The following METTL15 variants were observed in gnomAD, a reference collection of about 807,000 sequenced individuals.
The protein encoded by METTL15 is 12S rRNA N(4)-cytidine methyltransferase METTL15.
A neutral mutation model predicts 38.3 loss-of-function variants in METTL15; 34 were observed. The ratio of observed to expected loss-of-function variants is 0.89; its 90% CI spans 0.68 to 1.18. The LOEUF (loss-of-function observed/expected upper bound fraction) is 1.18. Ranked by LOEUF, METTL15 falls within the 50% of genes most tolerant of loss-of-function variation. The pLI, the probability that METTL15 is intolerant of heterozygous loss-of-function variation, is 0.00. For synonymous variants in METTL15, 162 were observed against 170.9 expected, an observed-to-expected ratio of 0.95 and a Z score of 0.41; for missense variants, 438 against 498.4, an observed-to-expected ratio of 0.88 and a Z score of 1.15.
chr11:28,346,303 T>C lies in METTL15; in HGVS notation c.*190-5787T>C, dbSNP rs993822472. 2.6e-5 allele frequency among the ~76,000 whole-genome samples: 4 copies of C among 152,260 alleles called. No homozygotes were observed. The East Asian group carries it at 7.7e-4, about 29-fold the overall frequency. On this transcript the variant is annotated intron_variant and NMD_transcript_variant, in intron 3 of 7. Coordinates refer to the METTL15 transcript ENST00000532947. Reference sequence around the variant, plus strand: ...TACACTGGGCATCTTGAATCTTTCTTGGAGTTAAAAATGTTCCCAGTGCTA... The same window carrying C: ...TACACTGGGCATCTTGAATCTTTCTCGGAGTTAAAAATGTTCCCAGTGCTA...
At chr11:28,236,544 A>T (rs903154780) in intron 4 of METTL15, among the ~76,000 whole-genome samples, 1 of 152,132 alleles carries the variant, frequency 6.6e-6, no homozygotes, top group Admixed American at 6.5e-5. Flanking sequence ...GGGAGAGTGT[A>T]TGTGTCGAGG....
chr11:28,502,026 A>G (rs944970833), intron 6 of METTL15, among the ~76,000 whole-genome samples: 2 of 150,698 alleles, frequency 1.3e-5, no homozygotes, highest in Non-Finnish European at 3.0e-5. Flanking sequence ...GCGTGAATCC[A>G]GGAGGCGGAG....
At chr11:28,377,135 T>G (rs1438153849) in intron 5 of METTL15, among the ~76,000 whole-genome samples, 5 of 144,846 alleles carry the variant, frequency 3.5e-5, no homozygotes, top group Non-Finnish European at 6.1e-5. Context: ...ACAATTATGT[T>G]TCTTGGAGTT....
chr11:28,142,953 C>T (rs1002790499), intron 3 of METTL15, among the ~76,000 whole-genome samples: 1 of 151,914 alleles, frequency 6.6e-6, no homozygotes, highest in African/African-American at 2.4e-5. Flanking sequence ...AGAGTGGTAA[C>T]AGTTTAAATG....
intron 3 of METTL15, chr11:28,123,841 T>C: frequency 7.1e-7 from 1 of 1,408,978 alleles, no homozygotes; most frequent in South Asian, 1.4e-5. Flanking sequence ...TTTTGTTACA[T>C]GTATTTTTCT....
rs1418749366 is a variant in METTL15, at chr11:28,330,754, C to T, written c.1137C>T (p.His379=). The T allele has an allele frequency of 1.9e-6, 3 of 1,551,706 alleles. No individual in the cohort carries two copies. The highest frequency in any genetic ancestry group is 2.6e-6 in the Non-Finnish European group (3 of 1,146,854). ...RRAPLMWELI[H]KKVLSPQDQD... ...CTCCTTTAATGTGGGAATTGATACACAAGAAGGTACTTAGTCCACAAGATC... is the reference window on the plus strand; with the variant it reads ...CTCCTTTAATGTGGGAATTGATACATAAGAAGGTACTTAGTCCACAAGATC... Residue 379 remains histidine, a synonymous_variant, in exon 7 of 7, where the codon CAC becomes CAT. Transcript: ENST00000407364.
intron 4 of METTL15, among the ~76,000 whole-genome samples, chr11:28,257,637 A>C (rs986073990): frequency 6.6e-6 from 1 of 151,800 alleles, no homozygotes; most frequent in African/African-American, 2.4e-5. Flanking sequence ...CAAGCTCACT[A>C]ATTCTTTCTT....
chr11:28,253,452 AAATC>A (rs1200704764), intron 4 of METTL15, among the ~76,000 whole-genome samples: 2 of 152,162 alleles, frequency 1.3e-5, no homozygotes, highest in African/African-American at 4.8e-5. Context: ...CTTTGAGTGA[AAATC>A]AATCTAATTG....
chr11:28,421,958 A>C (rs1013370571), intron 5 of METTL15, among the ~76,000 whole-genome samples: 3 of 152,172 alleles, frequency 2.0e-5, no homozygotes, highest in Admixed American at 2.0e-4. Context: ...CCAACCAAAA[A>C]ACTACTATTA....
At chr11:28,260,804 T>A (rs1192507883) in intron 4 of METTL15, among the ~76,000 whole-genome samples, 2 of 152,196 alleles carry the variant, frequency 1.3e-5, no homozygotes, top group African/African-American at 4.8e-5. Flanking sequence ...GATGTTGTGC[T>A]GGCAGGCTCA....
chr11:28,429,233 G>T (rs1423415349), intron 6 of METTL15, among the ~76,000 whole-genome samples: 2 of 152,184 alleles, frequency 1.3e-5, no homozygotes, highest in Non-Finnish European at 2.9e-5. Flanking sequence ...AAACTGCAAT[G>T]TCTTGGGGGA....
intron 6 of METTL15, among the ~76,000 whole-genome samples, chr11:28,492,606 G>A (rs1412038231): frequency 2.0e-5 from 3 of 151,744 alleles, no homozygotes; most frequent in South Asian, 2.1e-4. Flanking sequence ...TTCGTGATTC[G>A]CCTGCATGTT....
intron 6 of METTL15, among the ~76,000 whole-genome samples, chr11:28,439,662 C>T (rs1212928063): frequency 6.6e-6 from 1 of 152,126 alleles, no homozygotes; most frequent in Non-Finnish European, 1.5e-5. Flanking sequence ...CATCACATAG[C>T]CTTGAGTCAC....
At chr11:28,371,069 T>C (rs1196790035) in intron 5 of METTL15, among the ~76,000 whole-genome samples, 1 of 152,108 alleles carries the variant, frequency 6.6e-6, no homozygotes. Flanking sequence ...TAATCCTATT[T>C]ATTTTTGATT....
At chr11:28,353,237 A>G (rs1590342470) in intron 4 of METTL15, among the ~76,000 whole-genome samples, 2 of 152,198 alleles carry the variant, frequency 1.3e-5, no homozygotes, top group Admixed American at 1.3e-4. Flanking sequence ...AAAAGGCTCA[A>G]AAAGTTGACC....
chr11:28,306,926 T>C (rs1019810549), intron 6 of METTL15, among the ~76,000 whole-genome samples: 2 of 151,998 alleles, frequency 1.3e-5, no homozygotes, highest in Non-Finnish European at 2.9e-5. Flanking sequence ...TGAAAAATTA[T>C]GGAATATCTA....
At position 28,492,081 on chromosome 11, in the gene METTL15, A is replaced by G. The variant is rs954696156; in HGVS notation, c.*425-34397A>G. Among the ~76,000 whole-genome samples the G allele has an allele frequency of 5.9e-5, 9 of 152,294 alleles. No individual in the cohort carries two copies. The South Asian group carries it at 1.9e-3, about 32-fold the overall frequency. ...AATTGAATGGAATGATGATGGCAAC[A>G]AATATGTCTGAGCACAAAAGTATGG... On this transcript the variant is annotated intron_variant and NMD_transcript_variant, in intron 6 of 7. Coordinates refer to the METTL15 transcript ENST00000532947.
At chr11:28,474,268 T>G (rs1248963891) in intron 6 of METTL15, among the ~76,000 whole-genome samples, 1 of 151,922 alleles carries the variant, frequency 6.6e-6, no homozygotes, top group African/African-American at 2.4e-5. Context: ...TATCCATTTT[T>G]CTCATGCTGG....
At chr11:28,338,555 CAT>C (rs1454742825) in intron 3 of METTL15, among the ~76,000 whole-genome samples, 2 of 152,030 alleles carry the variant, frequency 1.3e-5, no homozygotes, top group African/African-American at 4.8e-5. Context: ...TATGGTGACT[CAT>C]GTGAATTGTT....
Sources: allele counts gnomAD v4.1 joint callset (sites outside exome capture counted in the v4.1 genomes callset), GRCh38; gene constraint gnomAD v4.1.1; transcripts MANE v1.5; gene names NCBI Gene and HGNC (gene_info 2026-07-23, HGNC 2026-07-21).